MAU2: variants seen among roughly 807,000 people sequenced by gnomAD.
MAU2 encodes the protein MAU2 chromatid cohesion factor homolog.
MAU2 carries 9 observed loss-of-function variants against 89.1 expected under a neutral mutation model. The ratio of observed to expected loss-of-function variants is 0.10; its 90% CI spans 0.06 to 0.18. MAU2 has a LOEUF of 0.18. Among genes scored for constraint, MAU2 ranks in the 10% least tolerant of loss-of-function variants. The pLI, the probability that MAU2 is intolerant of heterozygous loss-of-function variation, is 1.00. For synonymous variants in MAU2, 357 were observed against 343.4 expected, an observed-to-expected ratio of 1.04 and a Z score of -0.44; for missense variants, 425 against 803.5, an observed-to-expected ratio of 0.53 and a Z score of 5.69.
intron 3 of MAU2, among the ~76,000 whole-genome samples, chr19:19,336,779 T>C (rs1174536925): frequency 6.6e-6 from 1 of 151,896 alleles, no homozygotes; most frequent in African/African-American, 2.4e-5. Context: ...GAAATCTGCC[T>C]TCCTCCCACC....
At chr19:19,332,992 A>C (rs935144986) in intron 1 of MAU2, among the ~76,000 whole-genome samples, 2 of 151,920 alleles carry the variant, frequency 1.3e-5, no homozygotes, top group African/African-American at 2.4e-5. Context: ...CAGGAGAATC[A>C]CTTGAACCTG....
chr19:19,346,228 G>A lies in MAU2; in HGVS notation c.1221+859G>A, dbSNP rs1366660769. On this transcript the variant is annotated intron_variant, in intron 12 of 18. Coordinates refer to ENST00000262815, the MANE Select transcript of MAU2 (RefSeq NM_015329.4). Reference sequence around the variant, plus strand: ...GGGCTGACTCAGCACCCACTCCTCTGCCTCCTCACCTCGCTCCCAGGACCC... The same window carrying A: ...GGGCTGACTCAGCACCCACTCCTCTACCTCCTCACCTCGCTCCCAGGACCC... Among the ~76,000 whole-genome samples the A allele has an allele frequency of 3.9e-5, 6 of 152,036 alleles. No individual in the cohort carries two copies. The South Asian group carries it at 8.3e-4, about 21-fold the overall frequency.
intron 1 of MAU2, among the ~76,000 whole-genome samples, chr19:19,329,794 A>G (rs2061540084): frequency 1.5e-5 from 2 of 136,072 alleles, no homozygotes; most frequent in African/African-American, 5.2e-5. Flanking sequence ...CCTGTCTCTT[A>G]AAAAAAAAAA....
chr19:19,322,541 A>G (rs1263612820), intron 1 of MAU2, among the ~76,000 whole-genome samples: 1 of 152,200 alleles, frequency 6.6e-6, no homozygotes, highest in Admixed American at 6.5e-5. Flanking sequence ...TCGTGGCTGC[A>G]GTGAGCAGTG....
At chr19:19,340,129 C>T (rs1212514060) in intron 5 of MAU2, among the ~76,000 whole-genome samples, 2 of 148,336 alleles carry the variant, frequency 1.3e-5, no homozygotes, top group African/African-American at 5.0e-5. Flanking sequence ...CGCGCCACTG[C>T]ACTCCAGCCT....
intron 6 of MAU2, 87 bp from the exon 7 acceptor site, chr19:19,341,165 G>A: frequency 2.0e-6 from 3 of 1,473,424 alleles, no homozygotes; most frequent in Non-Finnish European, 2.7e-6. Context: ...GCAGTCCCAG[G>A]GCAGGTGGGC....
chr19:19,339,226 G>A (rs2061620818), intron 5 of MAU2, among the ~76,000 whole-genome samples: 1 of 152,098 alleles, frequency 6.6e-6, no homozygotes, highest in Admixed American at 6.5e-5. Context: ...AACGTGGGAG[G>A]ATCACGAGGT....
intron 16 of MAU2, chr19:19,352,653 G>A (rs978438035): frequency 3.3e-5 from 5 of 152,278 alleles, no homozygotes; most frequent in African/African-American, 1.2e-4. Context: ...CTGGAACCCA[G>A]ACCTCACTGG....
intron 7 of MAU2, among the ~76,000 whole-genome samples, chr19:19,342,055 C>T (rs1018886933): frequency 2.0e-5 from 3 of 152,162 alleles, no homozygotes; most frequent in Non-Finnish European, 2.9e-5. Flanking sequence ...CTGCACTCGG[C>T]GCATAGGGAC....
At chr19:19,341,206 G>GC in intron 6 of MAU2, 46 bp from the exon 7 acceptor site, 1 of 1,577,018 alleles carries the variant, frequency 6.3e-7, no homozygotes. Context: ...TCCTGGGAGG[G>GC]CCCCTGCAAG....
At chr19:19,326,708 A>ATATATATATACG (rs1555792843) in intron 1 of MAU2, among the ~76,000 whole-genome samples, 10 of 120,196 alleles carry the variant, frequency 8.3e-5, no homozygotes, top group East Asian at 4.8e-4. Context: ...ATATGTATAT[A>ATATATATATACG]TATATATATA....
rs573946404 is a variant in MAU2 at position 19,329,987 on chromosome 19, T to A, written c.277-5731T>A. 3.3e-4 allele frequency among the ~76,000 whole-genome samples: 50 copies of A among 150,146 alleles called. No individual in the cohort carries two copies. The South Asian group carries it at 0.01, about 30-fold the overall frequency. ...TATTTATTTATTTATTTATTTATTT[T>A]TTATTTTTTTGAGATAAAGTCTCAC... On this transcript the variant is annotated intron_variant, in intron 1 of 18. Transcript: ENST00000262815.
At chr19:19,334,158 A>G (rs1438418592) in intron 1 of MAU2, 1 of 984,786 alleles carries the variant, frequency 1.0e-6, no homozygotes, top group African/African-American at 1.8e-5. Flanking sequence ...ACACGTTGCC[A>G]CTGTCCCCAC....
chr19:19,347,480 T>G, intron 13 of MAU2, 114 bp downstream of exon 13: 1 of 778,308 alleles, frequency 1.3e-6, no homozygotes, highest in Non-Finnish European at 2.1e-6. Context: ...GTGTTCACCT[T>G]TTGAGGGATG....
intron 4 of MAU2, among the ~76,000 whole-genome samples, chr19:19,338,377 T>C (rs559758264): frequency 5.3e-5 from 8 of 152,340 alleles, no homozygotes; most frequent in Admixed American, 3.3e-4. Flanking sequence ...CACAGCCCCA[T>C]AGGTATTGCC....
chr19:19,349,202 CCTT>C lies in MAU2; in HGVS notation c.1411_1413del (p.Phe471del). 1 of 1,614,174 alleles carries C rather than the reference CCTT, an allele frequency of 6.2e-7. No individual in the cohort carries two copies. The highest frequency in any genetic ancestry group is 8.5e-7 in the Non-Finnish European group (1 of 1,180,050). ...GCCTTCTATGTGCGTGGGCTCTTCT[CCTT>C]CTTCCAGGGACGCTACAACGAGGCC... On this transcript the variant is annotated inframe_deletion, in exon 15 of 19. Coordinates refer to ENST00000262815, the MANE Select transcript of MAU2 (RefSeq NM_015329.4).
chr19:19,333,450 C>T (rs189272492), intron 1 of MAU2, among the ~76,000 whole-genome samples: 8 of 152,328 alleles, frequency 5.3e-5, no homozygotes, highest in Admixed American at 2.0e-4. Context: ...TGTACTGCTG[C>T]ACTCCAGCCT....
intron 1 of MAU2, chr19:19,321,998 CT>C (rs1165328240): frequency 0.17 from 23,455 of 140,848 alleles, 1,761 homozygotes; most frequent in East Asian, 0.26. Flanking sequence ...AGTAAACTTT[CT>C]TTTTTTTTTT....
intron 1 of MAU2, among the ~76,000 whole-genome samples, 196 bp from the exon 2 acceptor site, chr19:19,335,522 C>T (rs1388988029): frequency 6.6e-6 from 1 of 152,146 alleles, no homozygotes; most frequent in Non-Finnish European, 1.5e-5. Flanking sequence ...CCCACTGGGG[C>T]TCTATAGCTT....
Sources: gnomAD v4.1 joint callset for allele counts (sites outside exome capture counted in the v4.1 genomes callset) on GRCh38, gnomAD v4.1.1 for gene constraint, MANE v1.5 for transcripts, NCBI Gene and HGNC (gene_info 2026-07-23, HGNC 2026-07-21) for gene names.